RMND1: variants seen among roughly 807,000 people sequenced by gnomAD.
The protein encoded by RMND1 is required for meiotic nuclear division protein 1 homolog.
A neutral mutation model predicts 54.0 loss-of-function variants in RMND1; 41 were observed. That is an observed-to-expected ratio of 0.76 (90% confidence interval 0.59 to 0.98). The LOEUF (loss-of-function observed/expected upper bound fraction) is 0.98. RMND1 is among the 50% of genes least tolerant of loss of function. The pLI, the probability that RMND1 is intolerant of heterozygous loss-of-function variation, is 0.00. For missense variants in RMND1, 457 were observed against 532.0 expected (o/e 0.86, Z 1.39); for synonymous variants, 183 against 181.7 (o/e 1.01, Z -0.06).
At chr6:151,412,344 C>G (rs960067599) in intron 10 of RMND1, among the ~76,000 whole-genome samples, 4 of 150,960 alleles carry the variant, frequency 2.6e-5, no homozygotes, top group Non-Finnish European at 5.9e-5. Flanking sequence ...AAGAGATGGG[C>G]GGGGGTATCA....
At chr6:151,405,966 T>C (rs898953805) in intron 10 of RMND1, 130 bp from the exon 11 acceptor site, 1 of 507,596 alleles carries the variant, frequency 2.0e-6, no homozygotes, top group Non-Finnish European at 3.5e-6. Flanking sequence ...ACCAACATTA[T>C]CAGTTTCTTG....
chr6:151,423,700 C>T (rs1445673833), intron 6 of RMND1, 69 bp from the exon 7 acceptor site: 1 of 1,026,880 alleles, frequency 9.7e-7, no homozygotes, highest in African/African-American at 1.6e-5. Context: ...TTGAAAAAGA[C>T]ACCATATCAT....
intron 10 of RMND1, among the ~76,000 whole-genome samples, chr6:151,415,247 G>A (rs1346941698): frequency 2.0e-5 from 3 of 151,506 alleles, no homozygotes; most frequent in African/African-American, 2.4e-5. Flanking sequence ...TTATAAATAC[G>A]GAAGGGTAAA....
intron 10 of RMND1, among the ~76,000 whole-genome samples, chr6:151,410,216 A>T (rs567237185): frequency 6.6e-6 from 1 of 151,870 alleles, no homozygotes. Flanking sequence ...CACCACGCCC[A>T]GCTAATTTTT....
At chr6:151,451,052 A>G (rs1398851499) in intron 1 of RMND1, among the ~76,000 whole-genome samples, 1 of 152,146 alleles carries the variant, frequency 6.6e-6, no homozygotes, top group East Asian at 1.9e-4. Context: ...GTACCCAGGG[A>G]CACAAACACT....
chr6:151,435,584 A>ATTG (rs969570154), intron 3 of RMND1, among the ~76,000 whole-genome samples: 3 of 150,854 alleles, frequency 2.0e-5, no homozygotes, highest in African/African-American at 7.3e-5. Flanking sequence ...TATTATTATT[A>ATTG]TTATTTGTAT....
Position 151,449,994 on chromosome 6 carries a change from C to A in RMND1, c.-15+2022G>T, listed in dbSNP as rs577144195. 3.4e-3 allele frequency among the ~76,000 whole-genome samples: 517 copies of A among 152,308 alleles called. 3 individuals are homozygous for A. The highest frequency in any genetic ancestry group is 0.011 in the African/African-American group (467 of 41,572). ...GGAGTGCAGTGGCGTGATCGAGGCTCGCTACAACCTCCACCTCCCAGCCGC... is the reference window on the plus strand; with the variant it reads ...GGAGTGCAGTGGCGTGATCGAGGCTAGCTACAACCTCCACCTCCCAGCCGC... On this transcript the variant is annotated intron_variant, in intron 1 of 11. Transcript: ENST00000444024.
chr6:151,425,963 A>G (rs368739619), intron 6 of RMND1, among the ~76,000 whole-genome samples: 47 of 95,434 alleles, frequency 4.9e-4, no homozygotes, highest in Middle Eastern at 6.4e-3. Flanking sequence ...TTTTTTTTTG[A>G]GACAGAGTCT....
At chr6:151,450,768 A>AG (rs920424000) in intron 1 of RMND1, among the ~76,000 whole-genome samples, 3 of 151,998 alleles carry the variant, frequency 2.0e-5, no homozygotes, top group Admixed American at 1.3e-4. Flanking sequence ...AAGGGGGGAA[A>AG]GGGGGGGAAA....
intron 10 of RMND1, among the ~76,000 whole-genome samples, chr6:151,410,933 G>C (rs755365395): frequency 6.6e-6 from 1 of 152,006 alleles, no homozygotes; most frequent in Non-Finnish European, 1.5e-5. Flanking sequence ...TTCAGTTCTA[G>C]TTCTTCCTGT....
intron 2 of RMND1, among the ~76,000 whole-genome samples, chr6:151,440,825 C>CTT (rs996467350): frequency 2.6e-5 from 4 of 151,908 alleles, no homozygotes; most frequent in African/African-American, 9.7e-5. Flanking sequence ...GTCTTGTCTG[C>CTT]TTTTTTTTCT....
intron 2 of RMND1, 93 bp downstream of exon 2, chr6:151,445,215 C>T: frequency 3.7e-6 from 5 of 1,345,326 alleles, no homozygotes; most frequent in South Asian, 1.5e-5. Flanking sequence ...TGCTAGTTCT[C>T]TTACGTTGGC....
chr6:151,431,212 G>C (rs1434644070), intron 4 of RMND1, among the ~76,000 whole-genome samples: 1 of 152,092 alleles, frequency 6.6e-6, no homozygotes, highest in Non-Finnish European at 1.5e-5. Context: ...CAGCATCTCA[G>C]AATAAACAGC....
intron 7 of RMND1, among the ~76,000 whole-genome samples, chr6:151,422,921 A>G (rs1780196836): frequency 6.6e-6 from 1 of 152,136 alleles, no homozygotes; most frequent in African/African-American, 2.4e-5. Context: ...CTCTGCAGAT[A>G]GGGCGCGACT....
intron 10 of RMND1, chr6:151,413,764 T>A (rs762588057): frequency 6.6e-6 from 1 of 152,244 alleles, no homozygotes; most frequent in African/African-American, 2.4e-5. Flanking sequence ...ACACCTCTGT[T>A]ATCTAAAACT....
intron 10 of RMND1, among the ~76,000 whole-genome samples, chr6:151,415,977 C>G (rs545296461): frequency 1.3e-4 from 20 of 148,910 alleles, no homozygotes; most frequent in African/African-American, 5.0e-4. Flanking sequence ...AGTTTTGTGT[C>G]TTTTTGTTTT....
intron 11 of RMND1, 133 bp downstream of exon 11, chr6:151,405,587 T>C (rs1779585254): frequency 3.2e-6 from 2 of 624,030 alleles, no homozygotes; most frequent in Non-Finnish European, 5.7e-6. Flanking sequence ...AACTTCCAAA[T>C]AGAGTTAGTA....
intron 9 of RMND1, among the ~76,000 whole-genome samples, chr6:151,418,061 C>G (rs754999160): frequency 6.6e-6 from 1 of 152,142 alleles, no homozygotes; most frequent in East Asian, 1.9e-4. Context: ...CTACCTCAGC[C>G]TCCCAAAGTG....
At chr6:151,444,790 A>T (rs1188452874) in intron 2 of RMND1, among the ~76,000 whole-genome samples, 2 of 152,264 alleles carry the variant, frequency 1.3e-5, no homozygotes, top group East Asian at 3.9e-4. Context: ...CCCCTTAAGG[A>T]TGAATAAAAA....
Sources: gnomAD v4.1 joint callset for allele counts (sites outside exome capture counted in the v4.1 genomes callset) on GRCh38, gnomAD v4.1.1 for gene constraint, MANE v1.5 for transcripts, NCBI Gene and HGNC (gene_info 2026-07-23, HGNC 2026-07-21) for gene names.